The following WWOX variants were observed in gnomAD, a reference collection of about 807,000 sequenced individuals.
WWOX encodes the protein WW domain-containing oxidoreductase.
Under a neutral mutation model 46.2 loss-of-function variants are expected in WWOX, and 69 were observed. The observed-to-expected ratio is 1.49, with a 90% confidence interval of 1.23 to 1.82. The LOEUF (loss-of-function observed/expected upper bound fraction) is 1.82. WWOX is among the 40% of genes most tolerant of loss of function. The pLI, the probability that WWOX is intolerant of heterozygous loss-of-function variation, is 0.00. For missense variants in WWOX, 919 were observed against 542.6 expected, an observed-to-expected ratio of 1.69 and a Z score of -6.89; for synonymous variants, 359 against 202.6, an observed-to-expected ratio of 1.77 and a Z score of -6.56.
chr16:78,727,018 G>C (rs545051430), intron 8 of WWOX, among the ~76,000 whole-genome samples: 1 of 152,248 alleles, frequency 6.6e-6, no homozygotes, highest in Admixed American at 6.5e-5. Flanking sequence ...TACATCTTCC[G>C]TGGTGTAAGT....
At chr16:78,682,843 G>T (rs1270764986) in intron 8 of WWOX, among the ~76,000 whole-genome samples, 4 of 152,208 alleles carry the variant, frequency 2.6e-5, no homozygotes, top group Admixed American at 1.3e-4. Flanking sequence ...AATGCCTGCT[G>T]CAAATAGAAC....
intron 8 of WWOX, among the ~76,000 whole-genome samples, chr16:79,097,992 C>T (rs1273652871): frequency 2.6e-5 from 4 of 152,150 alleles, no homozygotes; most frequent in Non-Finnish European, 4.4e-5. Flanking sequence ...AAAACCATAT[C>T]CCAGTGGCCC....
intron 6 of WWOX, among the ~76,000 whole-genome samples, chr16:78,403,809 C>G (rs2082466897): frequency 6.6e-6 from 1 of 152,180 alleles, no homozygotes; most frequent in Admixed American, 6.5e-5. Context: ...CCAGCTCTAG[C>G]CCTTCACTCA....
At chr16:79,044,352 G>A (rs1386413990) in intron 8 of WWOX, among the ~76,000 whole-genome samples, 1 of 152,320 alleles carries the variant, frequency 6.6e-6, no homozygotes, top group East Asian at 1.9e-4. Context: ...TGGAGGTGGG[G>A]CATGGTGGGA....
intron 8 of WWOX, among the ~76,000 whole-genome samples, chr16:78,703,397 C>T (rs1299819356): frequency 3.3e-5 from 5 of 152,022 alleles, no homozygotes; most frequent in South Asian, 2.1e-4. Context: ...GGGAGGATTG[C>T]ATGAGCTCAG....
intron 8 of WWOX, among the ~76,000 whole-genome samples, chr16:78,776,385 C>CT (rs2050190879): frequency 6.6e-6 from 1 of 152,026 alleles, no homozygotes; most frequent in African/African-American, 2.4e-5. Context: ...CACTTGCTTA[C>CT]TGTGTGACCT....
At chr16:78,524,233 C>T (rs576878746) in intron 8 of WWOX, among the ~76,000 whole-genome samples, 6 of 152,140 alleles carry the variant, frequency 3.9e-5, no homozygotes, top group Non-Finnish European at 5.9e-5. Flanking sequence ...TCTAAAGGCA[C>T]TTGTCATGGT....
intron 8 of WWOX, among the ~76,000 whole-genome samples, chr16:78,692,774 G>C (rs919537133): frequency 6.6e-5 from 10 of 152,212 alleles, no homozygotes; most frequent in African/African-American, 1.9e-4. Flanking sequence ...AGGTTTCCCT[G>C]TTGGGGGTAC....
intron 6 of WWOX, among the ~76,000 whole-genome samples, chr16:78,417,284 G>A (rs756880019): frequency 6.6e-6 from 1 of 151,758 alleles, no homozygotes; most frequent in Non-Finnish European, 1.5e-5. Flanking sequence ...GTAGAGATGA[G>A]GTCTTGCTAT....
chr16:78,930,397 C>T (rs1011637579), intron 8 of WWOX, among the ~76,000 whole-genome samples: 3 of 151,084 alleles, frequency 2.0e-5, no homozygotes, highest in African/African-American at 7.3e-5. Context: ...CACACCTTAG[C>T]CTCCTGAGTA....
intron 8 of WWOX, among the ~76,000 whole-genome samples, chr16:78,686,920 A>T (rs74324570): frequency 6.6e-6 from 1 of 152,190 alleles, no homozygotes; most frequent in African/African-American, 2.4e-5. Context: ...CATAGTAATA[A>T]ACAGTTTCCA....
At chr16:79,070,500 A>AG (rs1440241199) in intron 8 of WWOX, among the ~76,000 whole-genome samples, 1 of 152,180 alleles carries the variant, frequency 6.6e-6, no homozygotes, top group Non-Finnish European at 1.5e-5. Context: ...ATAGTCTGGA[A>AG]GGGTGGAGCG....
intron 8 of WWOX, among the ~76,000 whole-genome samples, chr16:78,436,688 A>G (rs1051975573): frequency 2.6e-5 from 4 of 152,126 alleles, no homozygotes; most frequent in Non-Finnish European, 5.9e-5. Context: ...ACAGGCATTC[A>G]CTTTTCTTTC....
At chr16:78,867,358 A>G (rs866176917) in intron 8 of WWOX, among the ~76,000 whole-genome samples, 7 of 152,170 alleles carry the variant, frequency 4.6e-5, no homozygotes, top group African/African-American at 1.7e-4. Context: ...TGTTCCAGAA[A>G]TAAATGGGAA....
intron 8 of WWOX, among the ~76,000 whole-genome samples, chr16:79,028,355 A>G (rs980254661): frequency 8.6e-5 from 13 of 151,886 alleles, no homozygotes; most frequent in Non-Finnish European, 1.9e-4. Flanking sequence ...AGGCATGTTC[A>G]AAATATAGCT....
chr16:78,457,115 G>A (rs2083838111), intron 8 of WWOX, among the ~76,000 whole-genome samples: 1 of 152,196 alleles, frequency 6.6e-6, no homozygotes, highest in African/African-American at 2.4e-5. Flanking sequence ...TGTTCAGACA[G>A]AATGGTAACA....
At chr16:78,637,472 C>A (rs1301526601) in intron 8 of WWOX, among the ~76,000 whole-genome samples, 1 of 151,870 alleles carries the variant, frequency 6.6e-6, no homozygotes, top group Admixed American at 6.6e-5. Context: ...TCTGGCCCCA[C>A]GTTACAGATG....
chr16:78,113,072 C>T (rs763672773), intron 3 of WWOX, among the ~76,000 whole-genome samples: 17 of 152,208 alleles, frequency 1.1e-4, no homozygotes, highest in Non-Finnish European at 1.9e-4. Flanking sequence ...TTTGCATTCA[C>T]GCTTGGAAAG....
intron 5 of WWOX, among the ~76,000 whole-genome samples, chr16:78,231,319 A>G (rs1204419266): frequency 6.6e-6 from 1 of 152,250 alleles, no homozygotes; most frequent in Non-Finnish European, 1.5e-5. Flanking sequence ...CCATAAAAAA[A>G]TGTATATTAC....
Sources: gnomAD v4.1 joint callset for allele counts (sites outside exome capture counted in the v4.1 genomes callset) on GRCh38, gnomAD v4.1.1 for gene constraint, MANE v1.5 for transcripts, NCBI Gene and HGNC (gene_info 2026-07-23, HGNC 2026-07-21) for gene names.